The following SLC26A5 variants were observed in gnomAD, a reference collection of about 807,000 sequenced individuals.
The protein encoded by SLC26A5 is solute carrier family 26 member 5, also known as prestin.
A neutral mutation model predicts 81.0 loss-of-function variants in SLC26A5; 51 were observed. The observed-to-expected ratio is 0.63, with a 90% CI of 0.50 to 0.80. The LOEUF is 0.80. Among genes scored for constraint, SLC26A5 ranks in the 30% least tolerant of loss-of-function variants. The pLI, the probability that SLC26A5 is intolerant of heterozygous loss-of-function variation, is 0.00. For missense variants in SLC26A5, 771 were observed against 905.8 expected (o/e 0.85, Z 1.91); for synonymous variants, 325 against 332.8 (o/e 0.98, Z 0.25).
At chr7:103,424,887 T>C (rs1825607820) in intron 2 of SLC26A5, among the ~76,000 whole-genome samples, 1 of 152,186 alleles carries the variant, frequency 6.6e-6, no homozygotes, top group Non-Finnish European at 1.5e-5. Flanking sequence ...CAGTTAGGAT[T>C]TCCACTGGGT....
chr7:103,405,217 G>T (rs1241595581), intron 8 of SLC26A5, among the ~76,000 whole-genome samples: 1 of 152,062 alleles, frequency 6.6e-6, no homozygotes, highest in Admixed American at 6.5e-5. Flanking sequence ...ATCCACTTTT[G>T]TTCCCTTGCT....
At position 103,379,351 on chromosome 7, in the gene SLC26A5, T is replaced by C; in HGVS notation, c.1585-16A>G. 1 of 1,492,414 alleles carries C rather than the reference T, an allele frequency of 6.7e-7. No homozygotes were observed. Among genetic ancestry groups the C allele is most frequent in the Non-Finnish European group, 9.3e-7 (1 of 1,070,670 alleles). The allele number at this position is 1,492,414 out of a possible 1,614,324, so 92.4% of individuals were successfully genotyped here. A position where few individuals can be genotyped will look rare whatever the true frequency, so the allele number is the denominator to read the frequency against. ...TTTCTTTCACCTGAAGAGTAAAATA[T>C]TGCTGAATTTAACACATGGAAATAT... On this transcript the variant is annotated splice_polypyrimidine_tract_variant and intron_variant, in intron 15 of 19. Coordinates refer to ENST00000306312, the MANE Select transcript of SLC26A5 (RefSeq NM_198999.3).
At chr7:103,391,171 A>T (rs1357064601) in intron 11 of SLC26A5, among the ~76,000 whole-genome samples, 1 of 152,158 alleles carries the variant, frequency 6.6e-6, no homozygotes, top group Non-Finnish European at 1.5e-5. Flanking sequence ...CCGGCCATTT[A>T]CATTTGTAAA....
intron 19 of SLC26A5, among the ~76,000 whole-genome samples, chr7:103,360,523 A>T (rs1820320477): frequency 6.6e-6 from 1 of 152,180 alleles, no homozygotes; most frequent in Non-Finnish European, 1.5e-5. Flanking sequence ...CCTCCTCAGT[A>T]GCTGGGACTA....
chr7:103,366,915 A>G lies in SLC26A5; in HGVS notation c.2041+9893T>C, dbSNP rs574052977. On this transcript the variant is annotated intron_variant, in intron 19 of 19. Transcript: ENST00000339444. ...TGCCTCCTGGGTTCAAGCAATTCTC[A>G]TGTCTCAGCCTCCTGAGTAGCTGCA... is the stretch of plus-strand genomic sequence containing the variant. 1.1e-4 allele frequency among the ~76,000 whole-genome samples: 17 copies of G among 152,086 alleles called. No individual in the cohort carries two copies. In the South Asian group the frequency reaches 1.7e-3, roughly 15 times the overall value.
intron 19 of SLC26A5, among the ~76,000 whole-genome samples, chr7:103,359,511 C>T (rs533514070): frequency 1.3e-5 from 2 of 152,288 alleles, no homozygotes; most frequent in East Asian, 3.9e-4. Flanking sequence ...TTTCCAGCCC[C>T]TGGCAACCAT....
chr7:103,414,762 G>A (rs1216785586), intron 4 of SLC26A5, among the ~76,000 whole-genome samples: 1 of 152,194 alleles, frequency 6.6e-6, no homozygotes, highest in African/African-American at 2.4e-5. Flanking sequence ...TTAAAAACTA[G>A]TTTTTAGAGC....
rs116418202 is a variant in SLC26A5, at chr7:103,394,040, G to A, written c.972-974C>T. On this transcript the variant is annotated intron_variant, in intron 9 of 19. Coordinates refer to ENST00000306312, the MANE Select transcript of SLC26A5 (RefSeq NM_198999.3). ...AGATGAAGAAAATGAGGTATAGCAAGGTTCAGCAACTTGTCCAAGGACAAG... is the reference window on the plus strand; with the variant it reads ...AGATGAAGAAAATGAGGTATAGCAAAGTTCAGCAACTTGTCCAAGGACAAG... 1.8e-3 allele frequency among the ~76,000 whole-genome samples: 274 copies of A among 152,318 alleles called. 2 individuals carry two copies. The highest frequency in any genetic ancestry group is 6.3e-3 in the African/African-American group (261 of 41,560).
intron 14 of SLC26A5, among the ~76,000 whole-genome samples, chr7:103,384,785 GA>G (rs1431893391): frequency 6.6e-6 from 1 of 152,158 alleles, no homozygotes; most frequent in African/African-American, 2.4e-5. Flanking sequence ...AAGGTTATAT[GA>G]AATGGCATAG....
exon 20 of SLC26A5, chr7:103,352,753 CACAAAAGAGAAA>C: frequency 1.3e-6 from 1 of 741,604 alleles, no homozygotes; most frequent in Non-Finnish European, 2.5e-6. Flanking sequence ...TTCTTTATTT[CACAAAAGAGAAA>C]ACAAAGTTCA....
chr7:103,428,335 A>C (rs181967028), intron 2 of SLC26A5, among the ~76,000 whole-genome samples: 52 of 152,262 alleles, frequency 3.4e-4, no homozygotes, highest in Non-Finnish European at 3.2e-4. Context: ...ATGAACATAT[A>C]AAAATAATTT....
In SLC26A5 at chr7:103,367,391, A is replaced by T. The variant is rs574394108; in HGVS notation, c.2041+9417T>A. ...ACTCTTGAGTGGACTTGAAGAGCTT[A>T]TCTTTCCTTTTGTCTTCTCAGGGGC... is the stretch of plus-strand genomic sequence containing the variant. On this transcript the variant is annotated intron_variant, in intron 19 of 19. Transcript: ENST00000339444. This position sits in a 1 kb window ranked among gnomAD's most constrained non-coding sequence, Gnocchi z 6.1. The T allele has an allele frequency of 1.2e-6, 2 of 1,611,882 alleles. No individual in the cohort carries two copies. The highest frequency in any genetic ancestry group is 2.2e-5 in the South Asian group (2 of 90,956).
chr7:103,364,968 TA>T (rs1820623946), intron 19 of SLC26A5, among the ~76,000 whole-genome samples: 1 of 144,102 alleles, frequency 6.9e-6, no homozygotes, highest in Non-Finnish European at 1.5e-5. Context: ...CATATATATA[TA>T]TATATATATA....
chr7:103,396,257 T>C (rs1183147645), intron 9 of SLC26A5, among the ~76,000 whole-genome samples: 1 of 152,166 alleles, frequency 6.6e-6, no homozygotes. Flanking sequence ...ATGGCATAAC[T>C]ACTATGGGAA....
intron 19 of SLC26A5, among the ~76,000 whole-genome samples, chr7:103,363,968 A>G (rs1820555665): frequency 1.3e-5 from 2 of 152,358 alleles, no homozygotes; most frequent in South Asian, 4.1e-4. Flanking sequence ...TAGAATAAGT[A>G]AAATTTCTTA....
chr7:103,417,970 G>A (rs1418846197), intron 4 of SLC26A5, among the ~76,000 whole-genome samples: 1 of 152,104 alleles, frequency 6.6e-6, no homozygotes, highest in Non-Finnish European at 1.5e-5. Context: ...TTGAACCCCT[G>A]ACCTCAGGTT....
In SLC26A5 at chr7:103,411,387, G is replaced by T. The variant is rs779498729; in HGVS notation, c.570+33C>A. On this transcript the variant is annotated intron_variant, in intron 6 of 19. Coordinates refer to ENST00000306312, the MANE Select transcript of SLC26A5 (RefSeq NM_198999.3). ...GTAGATACTTGTTAGGTTAACAAAC[G>T]AGACAGTCCATTTCCCCATCTTTGA... 2.2e-5 allele frequency: 36 copies of T among 1,612,732 alleles called. No homozygotes were observed. The East Asian group carries it at 7.1e-4, about 32-fold the overall frequency.
At chr7:103,387,838 T>C (rs534269122) in intron 14 of SLC26A5, among the ~76,000 whole-genome samples, 1 of 151,818 alleles carries the variant, frequency 6.6e-6, no homozygotes, top group Non-Finnish European at 1.5e-5. Context: ...CACGCCACCA[T>C]GCCCAGCTAA....
At chr7:103,438,666 A>T (rs1000909418) in intron 2 of SLC26A5, among the ~76,000 whole-genome samples, 6 of 152,176 alleles carry the variant, frequency 3.9e-5, no homozygotes, top group African/African-American at 1.4e-4. Flanking sequence ...TTGAGATTTC[A>T]TGTACACATA....
Sources: allele counts gnomAD v4.1 joint callset (sites outside exome capture counted in the v4.1 genomes callset), GRCh38; gene constraint gnomAD v4.1.1; non-coding constraint Gnocchi (gnomAD v3.1); transcripts MANE v1.5; gene names NCBI Gene and HGNC (gene_info 2026-07-23, HGNC 2026-07-21).